The following FAT3 variants were observed in gnomAD, a reference collection of about 807,000 sequenced individuals.
FAT3 encodes the protein protocadherin Fat 3.
FAT3 carries 95 observed loss-of-function variants against 310.2 expected under a neutral mutation model. The ratio of observed to expected loss-of-function variants is 0.31; its 90% CI spans 0.26 to 0.36. The LOEUF (loss-of-function observed/expected upper bound fraction) is 0.36, where lower values mean the gene tolerates loss of function less well. FAT3 is among the 10% of genes least tolerant of loss of function. The pLI, the probability that FAT3 is intolerant of heterozygous loss-of-function variation, is 1.00. For synonymous variants in FAT3, 2,314 were observed against 2,192.9 expected (o/e 1.06, Z -1.54); for missense variants, 5,408 against 5,715.6 (o/e 0.95, Z 1.74).
intron 3 of FAT3, among the ~76,000 whole-genome samples, chr11:92,621,593 G>C (rs1346821614): frequency 1.3e-5 from 2 of 152,150 alleles, no homozygotes; most frequent in African/African-American, 4.8e-5. Flanking sequence ...ACATCACTAG[G>C]TTCCACAGCA....
At chr11:92,429,861 T>G (rs1425215391) in intron 2 of FAT3, among the ~76,000 whole-genome samples, 2 of 152,178 alleles carry the variant, frequency 1.3e-5, no homozygotes, top group African/African-American at 4.8e-5. Flanking sequence ...GTTTTAGGGT[T>G]GCTCTTCTCA....
chr11:92,698,241 C>T (rs962060800), intron 4 of FAT3, among the ~76,000 whole-genome samples: 1 of 152,058 alleles, frequency 6.6e-6, no homozygotes, highest in Non-Finnish European at 1.5e-5. Context: ...CACTACCCCT[C>T]CTAACACATA....
intron 2 of FAT3, among the ~76,000 whole-genome samples, chr11:92,379,243 G>A (rs538490191): frequency 1.3e-5 from 2 of 152,246 alleles, no homozygotes; most frequent in East Asian, 1.9e-4. Flanking sequence ...ATAGCACAAA[G>A]CACATTGCCT....
chr11:92,599,672 A>C (rs1420003162), intron 3 of FAT3, among the ~76,000 whole-genome samples: 2 of 152,230 alleles, frequency 1.3e-5, no homozygotes, highest in Non-Finnish European at 2.9e-5. Flanking sequence ...TAAAGTTCAC[A>C]TTCTAGACTG....
intron 2 of FAT3, among the ~76,000 whole-genome samples, chr11:92,357,604 G>C (rs1166318963): frequency 6.6e-6 from 1 of 152,094 alleles, no homozygotes; most frequent in Non-Finnish European, 1.5e-5. Context: ...AATGTGGATA[G>C]GTAGGTCATA....
chr11:92,536,876 T>G (rs971415217), intron 3 of FAT3, among the ~76,000 whole-genome samples: 1 of 152,084 alleles, frequency 6.6e-6, no homozygotes, highest in Non-Finnish European at 1.5e-5. Flanking sequence ...TTCCCAAGAG[T>G]AAAATTATAT....
At chr11:92,514,263 C>T (rs1367148971) in intron 2 of FAT3, among the ~76,000 whole-genome samples, 1 of 151,978 alleles carries the variant, frequency 6.6e-6, no homozygotes, top group Non-Finnish European at 1.5e-5. Context: ...TTAAGATGCC[C>T]AGAGAATTTT....
rs771179465 is a variant in FAT3 at position 92,353,330 on chromosome 11, T to A, written c.1218T>A (p.Asp406Glu). Residue 406 changes from aspartate (D) to glutamate (E), a missense_variant, in exon 2 of 28, where the codon GAT (aspartate) becomes GAA (glutamate). Physicochemically the swap from Asp to Glu is conservative, Grantham distance 45 (BLOSUM62 2). Transcript: ENST00000525166. ...TAAAATTAAGTCCTGAACCGATAGA[T>A]GTGGAATACAAATTATCTCCTGGTG... ...AIVKLSPEPI[D>E]VEYKLSPGED... is the part of the protein sequence containing the mutation. The A allele has an allele frequency of 6.2e-7, 1 of 1,613,670 alleles. No individual in the cohort carries two copies. Among genetic ancestry groups the A allele is most frequent in the Admixed American group, 1.7e-5 (1 of 59,892 alleles).
At chr11:92,753,970 A>G (rs1228299751) in intron 4 of FAT3, among the ~76,000 whole-genome samples, 1 of 151,898 alleles carries the variant, frequency 6.6e-6, no homozygotes, top group Admixed American at 6.6e-5. Flanking sequence ...AAGGCATACA[A>G]TGTATTTGGA....
rs1197709011 is a variant in FAT3 at position 92,512,906 on chromosome 11, A to AATCTCT, written c.3293-11728_3293-11727insATCTCT. On this transcript the variant is annotated intron_variant, in intron 2 of 27. Transcript: ENST00000525166. The stretch of plus-strand genomic sequence containing the variant: ...GGGAGGCCGAGGCGGGCGGATCACG[A>AATCTCT]GGTCAGGAGATCGAGACCATCCTGG... Among the ~76,000 whole-genome samples, 29 of 89,230 alleles carry AATCTCT rather than the reference A, an allele frequency of 3.3e-4. 4 individuals are homozygous for AATCTCT. The highest frequency in any genetic ancestry group is 3.9e-4 in the South Asian group (1 of 2,540). The allele number at this position is 89,230 out of a possible 152,430, so 58.5% of individuals were successfully genotyped here. A position where few individuals can be genotyped will look rare whatever the true frequency, so the allele number is the denominator to read the frequency against.
At chr11:92,539,617 G>A (rs1954375121) in intron 3 of FAT3, among the ~76,000 whole-genome samples, 3 of 152,212 alleles carry the variant, frequency 2.0e-5, no homozygotes, top group Admixed American at 2.0e-4. Flanking sequence ...GCACCTCACA[G>A]TAAAAGAAAA....
chr11:92,503,642 T>G (rs1953012984), intron 2 of FAT3, among the ~76,000 whole-genome samples: 1 of 152,136 alleles, frequency 6.6e-6, no homozygotes, highest in Admixed American at 6.6e-5. Context: ...TTTCTTTTGT[T>G]CTCACACAAA....
intron 1 of FAT3, among the ~76,000 whole-genome samples, chr11:92,230,600 T>C (rs1590978466): frequency 1.3e-5 from 2 of 152,208 alleles, no homozygotes; most frequent in African/African-American, 4.8e-5. Flanking sequence ...AGCCCTGTTA[T>C]TTATTTTTTA....
intron 19 of FAT3, among the ~76,000 whole-genome samples, chr11:92,848,443 G>A (rs116068736): frequency 1.3e-5 from 2 of 152,134 alleles, no homozygotes; most frequent in East Asian, 1.9e-4. Context: ...AGATGTCCTC[G>A]AGCCCGTATA....
intron 3 of FAT3, among the ~76,000 whole-genome samples, chr11:92,672,289 T>C (rs1943154124): frequency 6.6e-6 from 1 of 152,188 alleles, no homozygotes; most frequent in African/African-American, 2.4e-5. Context: ...TGATCACATT[T>C]GAAAGACCCT....
At chr11:92,701,479 AG>A (rs1173083438) in intron 4 of FAT3, among the ~76,000 whole-genome samples, 3 of 152,254 alleles carry the variant, frequency 2.0e-5, no homozygotes, top group African/African-American at 7.2e-5. Context: ...AAAGAACTGT[AG>A]GCAAATTCAC....
At position 92,353,292 on chromosome 11, in the gene FAT3, G is replaced by T; in HGVS notation, c.1180G>T (p.Val394Leu). 1 of 1,613,636 alleles carries T rather than the reference G, an allele frequency of 6.2e-7. No individual in the cohort carries two copies. Among genetic ancestry groups the T allele is most frequent in the Non-Finnish European group, 8.5e-7 (1 of 1,179,790 alleles). ...AAGTGAATTTTCCCCTCCTGGTGTC[G>T]TGGTTGCTATAGTAAAATTAAGTCC... ...SISEFSPPGV[V>L]VAIVKLSPEP... The change falls in exon 2 of 28, where the codon GTG (valine) becomes TTG (leucine). Residue 394 changes from valine to leucine, a missense_variant. Physicochemically the swap from Val to Leu is conservative, Grantham distance 32. Around this residue, in one of 5 missense-constraint regions of FAT3, gnomAD observed 4,588 missense variants for 4,809.8 expected, o/e 0.95. Coordinates refer to ENST00000525166, the MANE Select transcript of FAT3 (RefSeq NM_001367949.2).
At chr11:92,370,044 C>T (rs1197412409) in intron 2 of FAT3, among the ~76,000 whole-genome samples, 4 of 152,124 alleles carry the variant, frequency 2.6e-5, no homozygotes, top group African/African-American at 7.2e-5. Context: ...TTGAGAGCTG[C>T]GCTAATAACT....
chr11:92,458,166 G>A (rs536678155), intron 2 of FAT3, among the ~76,000 whole-genome samples: 21 of 152,236 alleles, frequency 1.4e-4, no homozygotes, highest in Non-Finnish European at 2.2e-4. Flanking sequence ...TGAGACTATG[G>A]TATTCCAGCT....
Sources: allele counts gnomAD v4.1 joint callset (sites outside exome capture counted in the v4.1 genomes callset), GRCh38; gene constraint gnomAD v4.1.1; regional missense constraint gnomAD v4.1.1; transcripts MANE v1.5; gene names NCBI Gene and HGNC (gene_info 2026-07-23, HGNC 2026-07-21).